Variants in PMEPA1 observed in about 807,000 individuals in gnomAD.
The protein encoded by PMEPA1 is protein TMEPAI.
Under a neutral mutation model 23.0 loss-of-function variants are expected in PMEPA1, and 11 were observed. The observed-to-expected ratio is 0.48, with a 90% CI of 0.30 to 0.79. The LOEUF is 0.79. Ranked by LOEUF, PMEPA1 falls within the 30% of genes least tolerant of loss-of-function variation. The pLI, the probability that PMEPA1 is intolerant of heterozygous loss-of-function variation, is 0.06. For synonymous variants in PMEPA1, 204 were observed against 166.4 expected (o/e 1.23, Z -1.74); for missense variants, 377 against 390.9 (o/e 0.96, Z 0.30).
chr20:57,652,890 C>T lies in PMEPA1; in HGVS notation c.318+143G>A. 1 of 764,578 alleles carries T rather than the reference C, an allele frequency of 1.3e-6. No individual in the cohort carries two copies. The highest frequency in any genetic ancestry group is 2.2e-6 in the Non-Finnish European group (1 of 449,202). 47.4% of individuals were successfully genotyped at this position (764,578 alleles called of 1,614,324 possible). A position where few individuals can be genotyped will look rare whatever the true frequency, so the allele number is the denominator to read the frequency against. On this transcript the variant is annotated intron_variant, in intron 3 of 3. Transcript: ENST00000341744. This position sits in a 1 kb window ranked among gnomAD's most constrained non-coding sequence, Gnocchi z 6.1. ...CTCAGGGGCAGGGAGCAGATGATCTCCGGCAAGGAGGATCCCAGCAGCAAG... is the reference window on the plus strand; with the variant it reads ...CTCAGGGGCAGGGAGCAGATGATCTTCGGCAAGGAGGATCCCAGCAGCAAG...
rs1241750972 is a variant in PMEPA1, at chr20:57,682,367, T to TTCA, written c.110-22673_110-22671dup. On this transcript the variant is annotated intron_variant, in intron 1 of 3. Transcript: ENST00000341744. This position sits in a 1 kb window ranked among gnomAD's most constrained non-coding sequence, Gnocchi z 4.4. ...AAGCTGTTCTCTGAGCCTCGGTGGT[T>TTCA]TCATCCATAAAATGGGGAAATGACA... 6.6e-6 allele frequency among the ~76,000 whole-genome samples: 1 copy of TTCA among 152,016 alleles called. No individual in the cohort carries two copies. The highest frequency in any genetic ancestry group is 1.5e-5 in the Non-Finnish European group (1 of 67,982).
At chr20:57,695,500 G>T (rs2071932917) in intron 1 of PMEPA1, among the ~76,000 whole-genome samples, 1 of 152,242 alleles carries the variant, frequency 6.6e-6, no homozygotes, top group African/African-American at 2.4e-5. Flanking sequence ...CGTCTGCCCT[G>T]CTTAAAACTG....
chr20:57,652,544 C>T lies in PMEPA1; in HGVS notation c.373G>A (p.Ala125Thr), dbSNP rs1197103999. 7 of 1,543,584 alleles carry T rather than the reference C, an allele frequency of 4.5e-6. No homozygotes were observed. The highest frequency in any genetic ancestry group is 1.3e-5 in the South Asian group (1 of 79,616). ...AAGCGGTGGAAGCGCTCCCGCTGGG[C>T]GAAGGGCGGCACGGCCAGGCGGTCG... ...PTDRLAVPPF[A>T]QRERFHRFQP... is the part of the protein sequence containing the mutation. The change falls in exon 4 of 4, where the codon GCC (alanine) becomes ACC (threonine). Residue 125 changes from alanine (A) to threonine (T), a missense_variant. Around this residue, in one of 3 missense-constraint regions of PMEPA1, gnomAD observed 198 missense variants for 196.3 expected, o/e 1.01. Coordinates refer to ENST00000341744, the MANE Select transcript of PMEPA1 (RefSeq NM_020182.5). The surrounding 1 kb of genome is among the most constrained non-coding windows in gnomAD (Gnocchi z 6.1).
intron 2 of PMEPA1, among the ~76,000 whole-genome samples, 186 bp from the exon 3 acceptor site, chr20:57,653,272 C>T (rs1464685706): frequency 2.6e-5 from 4 of 152,208 alleles, no homozygotes; most frequent in Non-Finnish European, 2.9e-5. Flanking sequence ...TGAGCGCAAT[C>T]ACCTCCTCAC....
Position 57,664,411 on chromosome 20 carries a change from C to T in PMEPA1, c.110-4714G>A, listed in dbSNP as rs528028221. Among the ~76,000 whole-genome samples the T allele has an allele frequency of 8.5e-5, 13 of 152,370 alleles. No individual in the cohort carries two copies. The South Asian group carries it at 1.9e-3, about 22-fold the overall frequency. ...CCCACACATCCCTCTGGGCAGGCAC[C>T]GTGAATCCACCAGCAAAGACCCCTT... is the stretch of plus-strand genomic sequence containing the variant. On this transcript the variant is annotated intron_variant, in intron 1 of 3. Coordinates refer to ENST00000341744, the MANE Select transcript of PMEPA1 (RefSeq NM_020182.5).
chr20:57,676,448 G>A (rs912283832), intron 1 of PMEPA1, among the ~76,000 whole-genome samples: 2 of 152,242 alleles, frequency 1.3e-5, no homozygotes, highest in African/African-American at 4.8e-5. Flanking sequence ...GGGCAAGCAT[G>A]GTGAATGCGT....
chr20:57,679,777 C>T (rs1402976632), intron 1 of PMEPA1, among the ~76,000 whole-genome samples: 5 of 152,156 alleles, frequency 3.3e-5, no homozygotes, highest in African/African-American at 7.2e-5. Context: ...GAATTGTAAA[C>T]GACCCAGGGG....
Position 57,709,858 on chromosome 20 carries a change from G to A in PMEPA1, c.-276C>T, listed in dbSNP as rs1296307407. ...GCGTCCGGAAAATGGGCTGGCAGCG[G>A]GGCGCGCGCTGCCGCCGGGGCTGAG... On this transcript the variant is annotated 5_prime_UTR_variant, in exon 1 of 4. Transcript: ENST00000341744. The A allele has an allele frequency of 8.1e-6, 8 of 988,476 alleles. No individual in the cohort carries two copies. The highest frequency in any genetic ancestry group is 3.5e-5 in the African/African-American group (2 of 57,190). The allele number at this position is 988,476 out of a possible 1,614,324, so 61.2% of individuals were successfully genotyped here.
rs1014183855 is a variant in PMEPA1 at position 57,668,496 on chromosome 20, C to T, written c.110-8799G>A. 5.3e-5 allele frequency among the ~76,000 whole-genome samples: 8 copies of T among 152,228 alleles called. 1 individual carries two copies. The highest frequency in any genetic ancestry group is 1.2e-4 in the Non-Finnish European group (8 of 68,050). On this transcript the variant is annotated intron_variant, in intron 1 of 3. Coordinates refer to ENST00000341744, the MANE Select transcript of PMEPA1 (RefSeq NM_020182.5). ...ACTCCAAGCTCTGGGCTAGGCTCCT[C>T]CTACGCCTGTCCCCTGTCCCCACAA...
intron 1 of PMEPA1, among the ~76,000 whole-genome samples, chr20:57,665,106 C>G (rs1219050238): frequency 6.6e-6 from 1 of 152,192 alleles, no homozygotes; most frequent in Non-Finnish European, 1.5e-5. Flanking sequence ...GGGGACAGAG[C>G]AGGAGAGGGC....
intron 1 of PMEPA1, among the ~76,000 whole-genome samples, chr20:57,668,944 C>T (rs1462312681): frequency 2.0e-5 from 3 of 152,170 alleles, no homozygotes; most frequent in Non-Finnish European, 4.4e-5. Context: ...CCAGGACCCC[C>T]ATCCCTGTGC....
rs537599374 is a variant in PMEPA1, at chr20:57,656,266, C to T, written c.265-3180G>A. Among the ~76,000 whole-genome samples, 12 of 150,858 alleles carry T rather than the reference C, an allele frequency of 8.0e-5. No homozygotes were observed. The highest frequency in any genetic ancestry group is 1.5e-4 in the Non-Finnish European group (10 of 67,492). On this transcript the variant is annotated intron_variant, in intron 2 of 3. Coordinates refer to ENST00000341744, the MANE Select transcript of PMEPA1 (RefSeq NM_020182.5). This position sits in a 1 kb window ranked among gnomAD's most constrained non-coding sequence, Gnocchi z 4.7. ...TATCTCCTGAGGCCATGGGAGTGGACGCTAGGTCTTTGGCTCCCGCTGCTG... is the reference window on the plus strand; with the variant it reads ...TATCTCCTGAGGCCATGGGAGTGGATGCTAGGTCTTTGGCTCCCGCTGCTG...
chr20:57,697,059 T>C (rs4811903), intron 1 of PMEPA1, among the ~76,000 whole-genome samples: 114,361 of 152,102 alleles, frequency 0.75, 43,975 homozygotes, highest in East Asian at 0.99. Flanking sequence ...CTGGGCCATC[T>C]ACAGATGGGG....
At position 57,661,407 on chromosome 20, in the gene PMEPA1, G is replaced by A. The variant is rs374469272; in HGVS notation, c.110-1710C>T. ...CCGGGGCCAAAGCTCCTCCAGCTTC[G>A]CCCTGCCCAGGACACCCTGCCCAAG... On this transcript the variant is annotated intron_variant, in intron 1 of 3. Transcript: ENST00000341744. Among the ~76,000 whole-genome samples, 14 of 152,302 alleles carry A rather than the reference G, an allele frequency of 9.2e-5. No homozygotes were observed. In the South Asian group the frequency reaches 1.7e-3, roughly 18 times the overall value.
At chr20:57,671,312 A>C (rs2071564898) in intron 1 of PMEPA1, among the ~76,000 whole-genome samples, 1 of 152,134 alleles carries the variant, frequency 6.6e-6, no homozygotes. Flanking sequence ...AAATAAACCA[A>C]ATGTGTTTGT....
intron 1 of PMEPA1, among the ~76,000 whole-genome samples, chr20:57,686,224 G>A (rs900444208): frequency 6.6e-6 from 1 of 152,176 alleles, no homozygotes; most frequent in Non-Finnish European, 1.5e-5. Flanking sequence ...TTCTTCCCCT[G>A]GGACTGTCAG....
In PMEPA1 at chr20:57,709,628, G is replaced by T; in HGVS notation, c.-46C>A. ...GCGGGGCGCGGGGGGCTCGGGGGCG[G>T]CCGGGGGGGGCTCCGGCCGGCGCCC... On this transcript the variant is annotated 5_prime_UTR_variant, in exon 1 of 4. Coordinates refer to ENST00000341744, the MANE Select transcript of PMEPA1 (RefSeq NM_020182.5). 1 of 766,626 alleles carries T rather than the reference G, an allele frequency of 1.3e-6. No homozygotes were observed. Among genetic ancestry groups the T allele is most frequent in the East Asian group, 1.4e-4 (1 of 7,214 alleles). The allele number at this position is 766,626 out of a possible 1,614,324, so 47.5% of individuals were successfully genotyped here. A position where few individuals can be genotyped will look rare whatever the true frequency, so the allele number is the denominator to read the frequency against.
rs1031273625 is a variant in PMEPA1 at position 57,704,918 on chromosome 20, G to A, written c.109+4556C>T. 6.6e-6 allele frequency among the ~76,000 whole-genome samples: 1 copy of A among 152,072 alleles called. No homozygotes were observed. Among genetic ancestry groups the A allele is most frequent in the Non-Finnish European group, 1.5e-5 (1 of 68,012 alleles). ...TTCCAGCCTCCACAGACCTCCCGAC[G>A]GCCTCCCTTCTCCTGGGCAGCGGCA... On this transcript the variant is annotated intron_variant, in intron 1 of 3. Coordinates refer to ENST00000341744, the MANE Select transcript of PMEPA1 (RefSeq NM_020182.5). This position sits in a 1 kb window ranked among gnomAD's most constrained non-coding sequence, Gnocchi z 4.6.
intron 1 of PMEPA1, among the ~76,000 whole-genome samples, chr20:57,668,484 G>T (rs1190591030): frequency 6.6e-6 from 1 of 152,170 alleles, no homozygotes; most frequent in East Asian, 1.9e-4. Flanking sequence ...CCAAGCTCTG[G>T]GCTAGGCTCC....
Sources: gnomAD v4.1 joint callset for allele counts (sites outside exome capture counted in the v4.1 genomes callset) on GRCh38, gnomAD v4.1.1 for gene constraint, gnomAD v4.1.1 regional missense constraint, Gnocchi (gnomAD v3.1) non-coding constraint, MANE v1.5 for transcripts, NCBI Gene and HGNC (gene_info 2026-07-23, HGNC 2026-07-21) for gene names.